CRLF3: variants seen among roughly 807,000 people sequenced by gnomAD.
The protein encoded by CRLF3 is cytokine receptor-like factor 3.
In CRLF3, 33 loss-of-function variants were observed where a neutral mutation model predicts 55.0. The observed-to-expected ratio is 0.60, with a 90% confidence interval of 0.46 to 0.80. The LOEUF is 0.80. CRLF3 is among the 30% of genes least tolerant of loss of function. CRLF3 has a pLI of 0.00. For synonymous variants in CRLF3, 238 were observed against 196.8 expected (o/e 1.21, Z -1.75); for missense variants, 494 against 538.4 (o/e 0.92, Z 0.82).
At position 30,793,679 on chromosome 17, in the gene CRLF3, A is replaced by G; in HGVS notation, c.604-7T>C. On this transcript the variant is annotated splice_polypyrimidine_tract_variant and splice_region_variant and intron_variant, in intron 4 of 7. Transcript: ENST00000324238. The stretch of plus-strand genomic sequence containing the variant: ...CTGTAAAGTCATCATCCACCTAGGG[A>G]GAAAAGCTTTATGTTAGGTAAAAAA... 6.3e-7 allele frequency: 1 copy of G among 1,596,520 alleles called. No individual in the cohort carries two copies. The highest frequency in any genetic ancestry group is 8.6e-7 in the Non-Finnish European group (1 of 1,166,408).
chr17:30,789,715 T>C (rs550865705), intron 6 of CRLF3, among the ~76,000 whole-genome samples: 2 of 152,308 alleles, frequency 1.3e-5, no homozygotes, highest in South Asian at 4.1e-4. Flanking sequence ...AATGAGTTAA[T>C]ACAAGTAAAA....
chr17:30,796,954 A>T (rs1211365208), intron 3 of CRLF3, among the ~76,000 whole-genome samples: 1 of 152,076 alleles, frequency 6.6e-6, no homozygotes, highest in Non-Finnish European at 1.5e-5. Flanking sequence ...GCTGGAGTGT[A>T]GTGGTACAAA....
rs1276148039 is a variant in CRLF3, at chr17:30,785,971, C to A, written c.1020G>T (p.Gln340His). Reference sequence around the variant, plus strand: ...CCCGCTGCAGAGAGTCATATCCATCCTGTTTTTCTGCACACACTCCTATGC... The same window carrying A: ...CCCGCTGCAGAGAGTCATATCCATCATGTTTTTCTGCACACACTCCTATGC... ...RDSIGVCAEK[Q>H]DGYDSLQRDQ... The change falls in exon 7 of 8, where the codon CAG becomes CAT. Residue 340 changes from glutamine to histidine, a missense_variant. Transcript: ENST00000324238. The A allele has an allele frequency of 6.2e-7, 1 of 1,613,256 alleles. No individual in the cohort carries two copies. The highest frequency in any genetic ancestry group is 8.5e-7 in the Non-Finnish European group (1 of 1,179,418).
intron 1 of CRLF3, among the ~76,000 whole-genome samples, chr17:30,804,846 G>C (rs1904338130): frequency 6.6e-6 from 1 of 152,152 alleles, no homozygotes; most frequent in African/African-American, 2.4e-5. Flanking sequence ...AGTTAATTAA[G>C]TATTCTATGC....
At chr17:30,787,679 T>C (rs577630078) in intron 6 of CRLF3, 2 of 152,306 alleles carry the variant, frequency 1.3e-5, no homozygotes, top group African/African-American at 4.8e-5. Context: ...TCTGAAGTTA[T>C]TTCATATCTG....
At position 30,783,481 on chromosome 17, in the gene CRLF3, G is replaced by A. The variant is rs1219080959; in HGVS notation, c.*706C>T. The A allele has an allele frequency of 1.3e-5, 2 of 152,180 alleles. No homozygotes were observed. Among genetic ancestry groups the A allele is most frequent in the African/African-American group, 4.8e-5 (2 of 41,420 alleles). 9.4% of individuals were successfully genotyped at this position (152,180 alleles called of 1,614,324 possible). ...AAAATACAAAAATTAGCCAGGTGTG[G>A]TGGCCGACGCCTGTAATCCCAGCTA... is the stretch of plus-strand genomic sequence containing the variant. On this transcript the variant is annotated 3_prime_UTR_variant, in exon 8 of 8. Transcript: ENST00000324238.
chr17:30,809,318 C>A (rs1399532641), intron 1 of CRLF3, among the ~76,000 whole-genome samples: 3 of 152,188 alleles, frequency 2.0e-5, no homozygotes, highest in African/African-American at 7.2e-5. Context: ...AAACTTGATA[C>A]CACCATGGGA....
Position 30,813,204 on chromosome 17 carries a change from C to T in CRLF3, c.130-9096G>A, listed in dbSNP as rs148230483. ...TCTATACTAATAGAGTGCACATCAT[C>T]AAGACCAAGACAATCGAAAAAAGAA... On this transcript the variant is annotated intron_variant, in intron 1 of 7. Transcript: ENST00000324238. 7.3e-3 allele frequency among the ~76,000 whole-genome samples: 1,114 copies of T among 152,266 alleles called. 7 individuals carry two copies. The highest frequency in any genetic ancestry group is 0.02 in the South Asian group (99 of 4,830).
intron 4 of CRLF3, among the ~76,000 whole-genome samples, chr17:30,795,104 G>A (rs1971890451): frequency 6.6e-6 from 1 of 151,890 alleles, no homozygotes; most frequent in African/African-American, 2.4e-5. Flanking sequence ...TCCACTGATA[G>A]GAAAAATAAT....
At chr17:30,818,580 A>G (rs1210060100) in intron 1 of CRLF3, among the ~76,000 whole-genome samples, 2 of 149,612 alleles carry the variant, frequency 1.3e-5, no homozygotes, top group Non-Finnish European at 3.0e-5. Context: ...CAGCCTCCCG[A>G]GTAGCTAAGA....
chr17:30,818,374 A>G (rs1904876449), intron 1 of CRLF3, among the ~76,000 whole-genome samples: 1 of 152,110 alleles, frequency 6.6e-6, no homozygotes, highest in African/African-American at 2.4e-5. Context: ...AATTATACAC[A>G]GATTTTTGTA....
chr17:30,788,599 CTTTTTT>C lies in CRLF3; in HGVS notation c.960-2574_960-2569del, dbSNP rs1159336036. 5.4e-3 allele frequency among the ~76,000 whole-genome samples: 434 copies of C among 80,018 alleles called. 1 individual carries two copies. Among genetic ancestry groups the C allele is most frequent in the Non-Finnish European group, 6.9e-3 (310 of 44,772 alleles). The allele number at this position is 80,018 out of a possible 152,430, so 52.5% of individuals were successfully genotyped here. ...GGGATAAATAACAAAGTAGTGCCTT[CTTTTTT>C]TTTTTTTTTTTTTTTTTTTTGAGAC... is the stretch of plus-strand genomic sequence containing the variant. On this transcript the variant is annotated intron_variant, in intron 6 of 7. Transcript: ENST00000324238.
rs141972436 is a variant in CRLF3, at chr17:30,792,472, C to T, written c.927G>A (p.Pro309=). The stretch of plus-strand genomic sequence containing the variant: ...TTAATGTCTGCCCACAGAAATAAGT[C>T]GGAGCTCTGGAGTAGAGAACACCCG... ...ESSGVLYSRA[P]TYFCGQTLTF... The change falls in exon 6 of 8, where the codon CCG becomes CCA. Residue 309 remains proline, a synonymous_variant. Coordinates refer to ENST00000324238, the MANE Select transcript of CRLF3 (RefSeq NM_015986.4). 8,366 of 1,612,136 alleles carry T rather than the reference C, an allele frequency of 5.2e-3. 37 individuals are homozygous for T. The highest frequency in any genetic ancestry group is 6.1e-3 in the Non-Finnish European group (7,143 of 1,178,380).
chr17:30,814,999 G>A (rs909574650), intron 1 of CRLF3, among the ~76,000 whole-genome samples: 7 of 147,520 alleles, frequency 4.7e-5, no homozygotes, highest in South Asian at 2.2e-4. Context: ...GCGAAACTCC[G>A]TCTTTAAAAA....
At chr17:30,815,080 C>CTTTTTTTTTT (rs200193418) in intron 1 of CRLF3, among the ~76,000 whole-genome samples, 1 of 142,552 alleles carries the variant, frequency 7.0e-6, no homozygotes, top group African/African-American at 2.7e-5. Flanking sequence ...TTTTTTCTTT[C>CTTTTTTTTTT]TTTCTTTTTT....
chr17:30,795,179 T>G (rs751559649), intron 4 of CRLF3, among the ~76,000 whole-genome samples: 1 of 151,766 alleles, frequency 6.6e-6, no homozygotes, highest in Admixed American at 6.6e-5. Flanking sequence ...GAAAAAAAAA[T>G]TTCCTTTTAA....
intron 2 of CRLF3, among the ~76,000 whole-genome samples, chr17:30,798,500 C>T (rs914967973): frequency 1.3e-5 from 2 of 152,108 alleles, no homozygotes; most frequent in Non-Finnish European, 2.9e-5. Flanking sequence ...CCTGTAGTTA[C>T]TCAAGTTTTT....
intron 1 of CRLF3, among the ~76,000 whole-genome samples, chr17:30,805,733 C>T (rs915093190): frequency 7.0e-6 from 1 of 143,194 alleles, no homozygotes; most frequent in South Asian, 2.2e-4. Flanking sequence ...AAAAAAAAAG[C>T]AAGCCATGGT....
At chr17:30,798,117 C>T (rs1401968303) in intron 2 of CRLF3, among the ~76,000 whole-genome samples, 1 of 152,080 alleles carries the variant, frequency 6.6e-6, no homozygotes, top group African/African-American at 2.4e-5. Flanking sequence ...CGGTAGCTCA[C>T]GCCTGTAATC....
Sources: allele counts gnomAD v4.1 joint callset (sites outside exome capture counted in the v4.1 genomes callset), GRCh38; gene constraint gnomAD v4.1.1; transcripts MANE v1.5; gene names NCBI Gene and HGNC (gene_info 2026-07-23, HGNC 2026-07-21).